Variants in SHC3 observed in about 807,000 individuals in gnomAD.
SHC3 encodes SHC adaptor protein 3.
Under a neutral mutation model 60.4 loss-of-function variants are expected in SHC3, and 15 were observed. That is an observed-to-expected ratio of 0.25 (90% CI 0.17 to 0.38). SHC3 has a LOEUF of 0.38. Ranked by LOEUF, SHC3 falls within the 10% of genes least tolerant of loss-of-function variation. The probability of loss-of-function intolerance (pLI) is 1.00; values close to 1 mark genes in which losing one functional copy is unlikely to be tolerated. For missense variants in SHC3, 677 were observed against 786.1 expected, an observed-to-expected ratio of 0.86 and a Z score of 1.66; for synonymous variants, 294 against 325.9, an observed-to-expected ratio of 0.90 and a Z score of 1.05.
intron 1 of SHC3, among the ~76,000 whole-genome samples, chr9:89,173,929 A>G (rs1019126644): frequency 1.3e-5 from 2 of 152,208 alleles, no homozygotes; most frequent in Non-Finnish European, 2.9e-5. Flanking sequence ...ATTTCGAAAG[A>G]ATTTTGAGAA....
rs142258461 is a variant in SHC3 at position 89,066,021 on chromosome 9, T to C, written c.784-441A>G. 8.3e-3 allele frequency among the ~76,000 whole-genome samples: 1,269 copies of C among 152,324 alleles called. 12 individuals are homozygous for C. The highest frequency in any genetic ancestry group is 0.027 in the Middle Eastern group (8 of 294). On this transcript the variant is annotated intron_variant, in intron 5 of 11. Coordinates refer to ENST00000375835, the MANE Select transcript of SHC3 (RefSeq NM_016848.6). ...TGGTTTGGATGTGAGGCCTGTGCAT[T>C]CGTTTTTAGATGCTCCCTAGATGAC...
intron 2 of SHC3, among the ~76,000 whole-genome samples, chr9:89,096,784 G>T (rs1825708824): frequency 6.6e-6 from 1 of 152,220 alleles, no homozygotes; most frequent in Admixed American, 6.5e-5. Context: ...GAGAGTGAAG[G>T]TCAGAGAGGC....
At chr9:89,063,093 G>C (rs1359513475) in intron 6 of SHC3, among the ~76,000 whole-genome samples, 1 of 152,176 alleles carries the variant, frequency 6.6e-6, no homozygotes, top group Non-Finnish European at 1.5e-5. Flanking sequence ...TCCTTGAAGG[G>C]TACATGTGGC....
chr9:89,071,862 G>A (rs535709635), intron 4 of SHC3, among the ~76,000 whole-genome samples: 140 of 152,320 alleles, frequency 9.2e-4, no homozygotes, highest in African/African-American at 3.1e-3. Flanking sequence ...TAAGCAGCCA[G>A]CATCTGCCAA....
intron 6 of SHC3, among the ~76,000 whole-genome samples, chr9:89,057,324 T>C (rs987686738): frequency 2.1e-4 from 31 of 147,840 alleles, no homozygotes; most frequent in African/African-American, 7.6e-4. Flanking sequence ...TCTTTTTTTT[T>C]TTTTTTTTTT....
intron 9 of SHC3, among the ~76,000 whole-genome samples, chr9:89,043,501 C>T (rs1001052706): frequency 3.9e-5 from 6 of 152,146 alleles, no homozygotes; most frequent in African/African-American, 1.4e-4. Context: ...CCTGACTGCC[C>T]TTTCCCACCA....
intron 11 of SHC3, among the ~76,000 whole-genome samples, chr9:89,014,989 G>T (rs1302556329): frequency 6.6e-6 from 1 of 152,188 alleles, no homozygotes; most frequent in African/African-American, 2.4e-5. Flanking sequence ...GCACCAGAGG[G>T]AGAAGAGCTC....
chr9:89,092,273 C>T (rs978229408), intron 2 of SHC3, among the ~76,000 whole-genome samples: 3 of 152,094 alleles, frequency 2.0e-5, no homozygotes, highest in Admixed American at 2.0e-4. Flanking sequence ...GAAAGCAAAA[C>T]CAGGAATTGT....
intron 6 of SHC3, among the ~76,000 whole-genome samples, chr9:89,056,320 C>T (rs181410795): frequency 6.6e-6 from 1 of 152,294 alleles, no homozygotes; most frequent in Admixed American, 6.5e-5. Context: ...GATCTTGGCT[C>T]ACTGCAACCT....
chr9:89,102,257 T>C (rs1195471560), intron 2 of SHC3, among the ~76,000 whole-genome samples: 1 of 152,204 alleles, frequency 6.6e-6, no homozygotes, highest in African/African-American at 2.4e-5. Flanking sequence ...CATTGATCTT[T>C]TTAAAAACCA....
At position 89,128,141 on chromosome 9, in the gene SHC3, GA is replaced by G. The variant is rs536562645; in HGVS notation, c.475-15516del. Among the ~76,000 whole-genome samples, 931 of 152,102 alleles carry G rather than the reference GA, an allele frequency of 6.1e-3. 9 individuals are homozygous for G. Among genetic ancestry groups the G allele is most frequent in the African/African-American group, 0.021 (875 of 41,518 alleles). On this transcript the variant is annotated intron_variant, in intron 1 of 11. Coordinates refer to ENST00000375835, the MANE Select transcript of SHC3 (RefSeq NM_016848.6). ...TAAATAAAATATTTTATCAGAAAAA[GA>G]AAAAATATAATGCCTTTTGGTTCAT...
At chr9:89,056,168 A>T (rs1331065438) in intron 6 of SHC3, among the ~76,000 whole-genome samples, 2 of 152,238 alleles carry the variant, frequency 1.3e-5, no homozygotes, top group Non-Finnish European at 2.9e-5. Flanking sequence ...ATAGATGATC[A>T]GTGTTTTTAC....
At chr9:89,117,192 T>C (rs1033209131) in intron 1 of SHC3, among the ~76,000 whole-genome samples, 1 of 152,196 alleles carries the variant, frequency 6.6e-6, no homozygotes, top group Admixed American at 6.5e-5. Context: ...ACCTTTGCAG[T>C]GAATGTGAAT....
intron 1 of SHC3, among the ~76,000 whole-genome samples, chr9:89,121,894 T>C (rs1826097690): frequency 6.6e-6 from 1 of 152,224 alleles, no homozygotes; most frequent in Non-Finnish European, 1.5e-5. Context: ...TTACAGCAAT[T>C]GCACAGAGGT....
rs1305262304 is a variant in SHC3 at position 89,052,162 on chromosome 9, A to T, written c.837T>A (p.Ala279=). ...YVAKDPVNRR[A]CHILECCDGL... ...CATCACAGCATTCCAAAATGTGACA[A>T]GCTGGGAAAGCAAGTGACATGGGCC... Residue 279 remains alanine (A), a splice_region_variant and synonymous_variant, in exon 7 of 12, where the codon GCT becomes GCA. Transcript: ENST00000375835. The T allele has an allele frequency of 1.2e-6, 2 of 1,613,560 alleles. No homozygotes were observed. Among genetic ancestry groups the T allele is most frequent in the African/African-American group, 1.3e-5 (1 of 75,048 alleles).
chr9:89,030,986 C>T (rs1824478040), intron 11 of SHC3, among the ~76,000 whole-genome samples: 1 of 152,078 alleles, frequency 6.6e-6, no homozygotes, highest in Non-Finnish European at 1.5e-5. Context: ...TCATAGCTCA[C>T]TACAGCCTTG....
At chr9:89,111,712 G>A (rs957519049) in intron 2 of SHC3, among the ~76,000 whole-genome samples, 3 of 152,146 alleles carry the variant, frequency 2.0e-5, no homozygotes, top group Admixed American at 2.0e-4. Context: ...TAAACCAGTT[G>A]CTTTCTAAAG....
At chr9:89,106,168 T>A (rs937527476) in intron 2 of SHC3, among the ~76,000 whole-genome samples, 16 of 152,116 alleles carry the variant, frequency 1.1e-4, no homozygotes, top group African/African-American at 3.6e-4. Flanking sequence ...AGTATTAGTG[T>A]GGGCTGGTAC....
intron 2 of SHC3, among the ~76,000 whole-genome samples, chr9:89,086,237 A>G (rs1825527811): frequency 6.6e-6 from 1 of 152,194 alleles, no homozygotes; most frequent in Non-Finnish European, 1.5e-5. Context: ...AGTGTCCCCA[A>G]GACTGTGCCC....
Sources: gnomAD v4.1 joint callset for allele counts (sites outside exome capture counted in the v4.1 genomes callset) on GRCh38, gnomAD v4.1.1 for gene constraint, MANE v1.5 for transcripts, NCBI Gene and HGNC (gene_info 2026-07-23, HGNC 2026-07-21) for gene names.